The following TMEM51 variants were observed in gnomAD, a reference collection of about 807,000 sequenced individuals.
The protein encoded by TMEM51 is transmembrane protein 51.
A neutral mutation model predicts 13.6 loss-of-function variants in TMEM51; 8 were observed. The ratio of observed to expected loss-of-function variants is 0.59; its 90% CI spans 0.35 to 1.07. TMEM51 has a LOEUF of 1.07. TMEM51 is among the 50% of genes least tolerant of loss of function. TMEM51 has a pLI of 0.02. For missense variants in TMEM51, 279 were observed against 330.7 expected, an observed-to-expected ratio of 0.84 and a Z score of 1.21; for synonymous variants, 147 against 144.4, an observed-to-expected ratio of 1.02 and a Z score of -0.13.
At chr1:15,166,534 A>G (rs1476102598) in intron 1 of TMEM51, among the ~76,000 whole-genome samples, 1 of 152,170 alleles carries the variant, frequency 6.6e-6, no homozygotes. Context: ...AGCCTGACCA[A>G]CGTGGTGAAA....
At chr1:15,154,496 C>A (rs571833003) in intron 1 of TMEM51, among the ~76,000 whole-genome samples, 2 of 152,284 alleles carry the variant, frequency 1.3e-5, no homozygotes, top group East Asian at 3.9e-4. Context: ...TCGAGTCCTT[C>A]CCTGAGCGCG....
chr1:15,217,482 AT>A (rs1001402717), intron 3 of TMEM51, among the ~76,000 whole-genome samples: 2 of 152,128 alleles, frequency 1.3e-5, no homozygotes, highest in Non-Finnish European at 1.5e-5. Context: ...GGGGATATAT[AT>A]TTTTTTAAAT....
chr1:15,190,672 G>A (rs1228877977), intron 1 of TMEM51, among the ~76,000 whole-genome samples: 2 of 152,214 alleles, frequency 1.3e-5, no homozygotes, highest in Non-Finnish European at 2.9e-5. Context: ...GGCCTTTGCA[G>A]GTGTGATTAA....
At chr1:15,208,559 A>G (rs1644287695) in intron 1 of TMEM51, among the ~76,000 whole-genome samples, 1 of 152,182 alleles carries the variant, frequency 6.6e-6, no homozygotes, top group Non-Finnish European at 1.5e-5. Context: ...TGAGCCCAGG[A>G]GTTCGAGGCT....
intron 1 of TMEM51, among the ~76,000 whole-genome samples, chr1:15,157,626 CAGG>C (rs1160196067): frequency 1.3e-5 from 2 of 152,140 alleles, no homozygotes; most frequent in Non-Finnish European, 2.9e-5. Context: ...GTGACATGGT[CAGG>C]AGGAGTAAGG....
chr1:15,182,053 C>T (rs1023362392), intron 1 of TMEM51, among the ~76,000 whole-genome samples: 9 of 151,826 alleles, frequency 5.9e-5, no homozygotes, highest in African/African-American at 1.9e-4. Context: ...CCCAGCTACT[C>T]GGGAGGCTGA....
At chr1:15,201,973 A>G (rs1443412978) in intron 1 of TMEM51, among the ~76,000 whole-genome samples, 1 of 152,220 alleles carries the variant, frequency 6.6e-6, no homozygotes, top group Non-Finnish European at 1.5e-5. Context: ...AAAAGCCCTC[A>G]TATAATGAGT....
At chr1:15,182,850 C>T (rs1643663286) in intron 1 of TMEM51, among the ~76,000 whole-genome samples, 1 of 152,190 alleles carries the variant, frequency 6.6e-6, no homozygotes, top group Non-Finnish European at 1.5e-5. Context: ...GCAACCTCTG[C>T]CTCCTGGGCT....
chr1:15,178,138 C>T (rs1291153049), intron 1 of TMEM51, among the ~76,000 whole-genome samples: 3 of 58,276 alleles, frequency 5.1e-5, no homozygotes, highest in East Asian at 1.9e-3. Context: ...CACATGAGGT[C>T]CTTGTGGCTG....
chr1:15,179,505 C>T (rs34732356), intron 1 of TMEM51, among the ~76,000 whole-genome samples: 14,431 of 152,200 alleles, frequency 0.095, 925 homozygotes, highest in Non-Finnish European at 0.14. Flanking sequence ...AACTTTTGGC[C>T]GGTGCAATAG....
At chr1:15,159,063 T>C (rs1156816531) in intron 1 of TMEM51, among the ~76,000 whole-genome samples, 2 of 152,186 alleles carry the variant, frequency 1.3e-5, no homozygotes, top group Non-Finnish European at 2.9e-5. Context: ...GGATGGGTCC[T>C]AGAAGCAACT....
chr1:15,158,426 T>C (rs1277974603), intron 1 of TMEM51, among the ~76,000 whole-genome samples: 2 of 152,196 alleles, frequency 1.3e-5, no homozygotes, highest in African/African-American at 4.8e-5. Flanking sequence ...GCTTTGTTTC[T>C]TCTGACTTTT....
intron 1 of TMEM51, among the ~76,000 whole-genome samples, chr1:15,202,726 T>G (rs1644179944): frequency 1.3e-5 from 2 of 152,222 alleles, no homozygotes; most frequent in African/African-American, 4.8e-5. Context: ...TCAAGATTCT[T>G]AACTTAATCA....
chr1:15,217,817 C>T (rs767268420), intron 3 of TMEM51, among the ~76,000 whole-genome samples: 10 of 152,136 alleles, frequency 6.6e-5, no homozygotes, highest in South Asian at 2.1e-4. Context: ...CAGAGCCCAC[C>T]GAGCTGAATG....
chr1:15,202,227 C>T (rs1644169953), intron 1 of TMEM51, among the ~76,000 whole-genome samples: 1 of 152,088 alleles, frequency 6.6e-6, no homozygotes, highest in Non-Finnish European at 1.5e-5. Flanking sequence ...GAGGAAAGGG[C>T]GCATAATTCA....
intron 1 of TMEM51, among the ~76,000 whole-genome samples, chr1:15,193,702 G>T (rs1235175968): frequency 6.6e-6 from 1 of 151,104 alleles, no homozygotes; most frequent in African/African-American, 2.4e-5. Flanking sequence ...ACAGGTGCGT[G>T]CCACCACGCC....
upstream of TMEM51, chr1:15,152,741 C>T (rs961060825): frequency 1.3e-5 from 2 of 149,746 alleles, no homozygotes; most frequent in African/African-American, 2.4e-5. Flanking sequence ...CAGAGCAACG[C>T]AGTTCCGAGG....
intron 1 of TMEM51, among the ~76,000 whole-genome samples, chr1:15,194,921 T>G (rs1275812541): frequency 7.2e-6 from 1 of 138,072 alleles, no homozygotes; most frequent in Non-Finnish European, 1.5e-5. Flanking sequence ...ATTTTACTTT[T>G]TTTTTTTTTT....
intron 1 of TMEM51, among the ~76,000 whole-genome samples, chr1:15,209,443 G>A (rs940470531): frequency 2.6e-5 from 4 of 152,036 alleles, no homozygotes; most frequent in Non-Finnish European, 4.4e-5. Context: ...TAGTCTTTGC[G>A]TTTCTTCCTA....
Sources: allele counts gnomAD v4.1 joint callset (sites outside exome capture counted in the v4.1 genomes callset), GRCh38; gene constraint gnomAD v4.1.1; transcripts MANE v1.5; gene names NCBI Gene and HGNC (gene_info 2026-07-23, HGNC 2026-07-21).